The following ABLIM2 variants were observed in gnomAD, a reference collection of about 807,000 sequenced individuals.
The protein encoded by ABLIM2 is actin-binding LIM protein 2.
Under a neutral mutation model 97.7 loss-of-function variants are expected in ABLIM2, and 53 were observed. The observed-to-expected ratio is 0.54, with a 90% CI of 0.44 to 0.68. The LOEUF (loss-of-function observed/expected upper bound fraction) is 0.68, where lower values mean the gene tolerates loss of function less well. Ranked by LOEUF, ABLIM2 falls within the 30% of genes least tolerant of loss-of-function variation. The pLI, the probability that ABLIM2 is intolerant of heterozygous loss-of-function variation, is 0.00. For synonymous variants in ABLIM2, 361 were observed against 345.8 expected (o/e 1.04, Z -0.49); for missense variants, 835 against 867.2 (o/e 0.96, Z 0.47).
intron 20 of ABLIM2, among the ~76,000 whole-genome samples, chr4:7,978,038 T>C (rs942464455): frequency 6.6e-6 from 1 of 152,050 alleles, no homozygotes; most frequent in African/African-American, 2.4e-5. Flanking sequence ...CCTTAAGAGG[T>C]TTATGTCCTT....
Position 8,085,771 on chromosome 4 carries a change from C to G in ABLIM2, c.454+2398G>C, listed in dbSNP as rs901885779. On this transcript the variant is annotated intron_variant, in intron 4 of 20. Transcript: ENST00000447017. The surrounding 1 kb of genome is among the most constrained non-coding windows in gnomAD (Gnocchi z 6.1). ...ATTTCACAGGTGTTTAGTCTTTGTA[C>G]TCATCTGTAGCATCCTCCCCCTTCC... 6.6e-6 allele frequency among the ~76,000 whole-genome samples: 1 copy of G among 152,242 alleles called. No homozygotes were observed. Among genetic ancestry groups the G allele is most frequent in the African/African-American group, 2.4e-5 (1 of 41,466 alleles).
intron 2 of ABLIM2, among the ~76,000 whole-genome samples, chr4:8,098,175 C>T (rs898933079): frequency 6.6e-6 from 1 of 152,264 alleles, no homozygotes; most frequent in South Asian, 2.1e-4. Flanking sequence ...CTGGCCCAGG[C>T]CCTCCCTGCT....
chr4:8,004,229 G>A lies in ABLIM2; in HGVS notation c.1618+3830C>T, dbSNP rs1759485407. 6.6e-6 allele frequency among the ~76,000 whole-genome samples: 1 copy of A among 151,848 alleles called. No homozygotes were observed. Among genetic ancestry groups the A allele is most frequent in the Non-Finnish European group, 1.5e-5 (1 of 67,996 alleles). On this transcript the variant is annotated intron_variant, in intron 16 of 20. Coordinates refer to ENST00000447017, the MANE Select transcript of ABLIM2 (RefSeq NM_001130083.2). This position sits in a 1 kb window ranked among gnomAD's most constrained non-coding sequence, Gnocchi z 5.9. ...GAGACAAGCACCTCCCACCAGACAT[G>A]GGACTCCGCCCGGTCCCACAGCGAG... is the stretch of plus-strand genomic sequence containing the variant.
At chr4:8,010,230 A>G (rs1578556236) in intron 14 of ABLIM2, among the ~76,000 whole-genome samples, 1 of 152,230 alleles carries the variant, frequency 6.6e-6, no homozygotes, top group East Asian at 1.9e-4. Context: ...ATTTCCAGCG[A>G]AGAATGAGCA....
intron 9 of ABLIM2, among the ~76,000 whole-genome samples, chr4:8,038,159 A>C (rs1785769680): frequency 6.6e-6 from 1 of 152,132 alleles, no homozygotes; most frequent in African/African-American, 2.4e-5. Flanking sequence ...ATCTGCTCGC[A>C]AAACACAATG....
chr4:8,039,523 T>A (rs1042081731), intron 9 of ABLIM2, among the ~76,000 whole-genome samples: 1 of 152,178 alleles, frequency 6.6e-6, no homozygotes, highest in African/African-American at 2.4e-5. Flanking sequence ...CGGGCTGCAC[T>A]CTCTAATTGG....
chr4:8,020,157 A>T, intron 13 of ABLIM2, 45 bp downstream of exon 13: 1 of 1,566,834 alleles, frequency 6.4e-7, no homozygotes, highest in Non-Finnish European at 8.7e-7. Context: ...TTCGGTGTGG[A>T]CAGTTTCAGT....
intron 20 of ABLIM2, among the ~76,000 whole-genome samples, chr4:7,971,836 G>C (rs957754473): frequency 1.3e-5 from 2 of 152,140 alleles, no homozygotes; most frequent in Non-Finnish European, 2.9e-5. Context: ...CAGCCCACCA[G>C]TCACAGCCAC....
In ABLIM2 at chr4:8,075,669, G is replaced by A. The variant is rs1033569533; in HGVS notation, c.675+1959C>T. Among the ~76,000 whole-genome samples, 2 of 152,100 alleles carry A rather than the reference G, an allele frequency of 1.3e-5. No individual in the cohort carries two copies. Among genetic ancestry groups the A allele is most frequent in the Non-Finnish European group, 2.9e-5 (2 of 68,028 alleles). ...ATGACACCACCGCACTCCAGCCTGG[G>A]CAACTGAGTGAGAACCTCTCCAAAA... On this transcript the variant is annotated intron_variant, in intron 6 of 20. Transcript: ENST00000447017. This position sits in a 1 kb window ranked among gnomAD's most constrained non-coding sequence, Gnocchi z 4.4.
chr4:8,107,759 G>A (rs868637274), intron 1 of ABLIM2, among the ~76,000 whole-genome samples: 1 of 152,372 alleles, frequency 6.6e-6, no homozygotes, highest in Middle Eastern at 3.4e-3. Context: ...CATGGCCAGA[G>A]GGGCTTGCAG....
chr4:8,105,185 A>G, intron 2 of ABLIM2, among the ~76,000 whole-genome samples: 1 of 152,156 alleles, frequency 6.6e-6, no homozygotes, highest in East Asian at 1.9e-4. Flanking sequence ...TGCCAGGCAG[A>G]TTTCTACTCC....
chr4:8,000,622 T>C (rs1025655815), intron 16 of ABLIM2, among the ~76,000 whole-genome samples: 4 of 152,098 alleles, frequency 2.6e-5, no homozygotes, highest in African/African-American at 9.7e-5. Context: ...CGGCTTTGTA[T>C]TCTGGGTAGC....
At chr4:8,151,156 G>A (rs1428465023) in intron 1 of ABLIM2, among the ~76,000 whole-genome samples, 1 of 152,176 alleles carries the variant, frequency 6.6e-6, no homozygotes, top group Non-Finnish European at 1.5e-5. Flanking sequence ...ATTGGGGCTG[G>A]AGCCCAGGTG....
intron 20 of ABLIM2, among the ~76,000 whole-genome samples, chr4:7,969,706 C>T (rs919097034): frequency 6.9e-6 from 1 of 145,696 alleles, no homozygotes; most frequent in Non-Finnish European, 1.5e-5. Flanking sequence ...GGCTCAGAGT[C>T]AGTCTCTCTT....
At chr4:8,096,966 C>G in intron 3 of ABLIM2, 133 bp downstream of exon 3, 1 of 1,175,324 alleles carries the variant, frequency 8.5e-7, no homozygotes, top group Non-Finnish European at 1.2e-6. Flanking sequence ...ACTGTGGGGC[C>G]TGGAACAGCC....
chr4:8,151,631 G>A (rs115030024), intron 1 of ABLIM2, among the ~76,000 whole-genome samples: 3,963 of 152,276 alleles, frequency 0.026, 153 homozygotes, highest in African/African-American at 0.091. Context: ...CAGTGGGCGG[G>A]GTGGGGCGGT....
chr4:8,020,264 A>G lies in ABLIM2; in HGVS notation c.1307T>C (p.Leu436Pro). Residue 436 changes from leucine (L) to proline (P), a missense_variant, in exon 13 of 21, where the codon CTC (leucine) becomes CCC (proline). Transcript: ENST00000447017. ...GGAGGGGGGCGGCTTGCTGTCAGAG[A>G]GCACGGAGAGGCTGGGGGTGCTCCG... ...SGRSTPSLSVLSDSKPPPSTY... is the reference protein window; with the variant it reads ...SGRSTPSLSVPSDSKPPPSTY... 6.2e-7 allele frequency: 1 copy of G among 1,613,910 alleles called. No individual in the cohort carries two copies.
At chr4:7,978,957 C>T (rs1181559808) in intron 20 of ABLIM2, among the ~76,000 whole-genome samples, 3 of 152,132 alleles carry the variant, frequency 2.0e-5, no homozygotes, top group Admixed American at 6.6e-5. Context: ...TGAGGCGGGC[C>T]GTACTGGATT....
In ABLIM2 at chr4:8,130,327, A is replaced by G. The variant is rs1849183551; in HGVS notation, c.11-23690T>C. On this transcript the variant is annotated intron_variant, in intron 1 of 20. Coordinates refer to ENST00000447017, the MANE Select transcript of ABLIM2 (RefSeq NM_001130083.2). The surrounding 1 kb of genome is among the most constrained non-coding windows in gnomAD (Gnocchi z 4.2). Reference sequence around the variant, plus strand: ...AACATCACGTTGCTTTGAGGCCATCATCTTAAGGGGATTCTCTGTAATGTT... The same window carrying G: ...AACATCACGTTGCTTTGAGGCCATCGTCTTAAGGGGATTCTCTGTAATGTT... Among the ~76,000 whole-genome samples the G allele has an allele frequency of 1.3e-5, 2 of 152,140 alleles. No homozygotes were observed. The highest frequency in any genetic ancestry group is 4.8e-5 in the African/African-American group (2 of 41,438).
Sources: gnomAD v4.1 joint callset for allele counts (sites outside exome capture counted in the v4.1 genomes callset) on GRCh38, gnomAD v4.1.1 for gene constraint, Gnocchi (gnomAD v3.1) non-coding constraint, MANE v1.5 for transcripts, NCBI Gene and HGNC (gene_info 2026-07-23, HGNC 2026-07-21) for gene names.